Variants in PRICKLE2 observed in about 807,000 individuals in gnomAD.
PRICKLE2 encodes prickle planar cell polarity protein 2.
PRICKLE2 carries 21 observed loss-of-function variants against 81.4 expected under a neutral mutation model. That is an observed-to-expected ratio of 0.26 (90% CI 0.18 to 0.37). PRICKLE2 has a LOEUF of 0.37. Ranked by LOEUF, PRICKLE2 falls within the 10% of genes least tolerant of loss-of-function variation. The probability of loss-of-function intolerance (pLI) is 1.00; values close to 1 mark genes in which losing one functional copy is unlikely to be tolerated. For missense variants in PRICKLE2, 940 were observed against 1,109.0 expected, an observed-to-expected ratio of 0.85 and a Z score of 2.16; for synonymous variants, 456 against 421.5, an observed-to-expected ratio of 1.08 and a Z score of -1.00.
chr3:64,173,627 G>A (rs969203004), intron 2 of PRICKLE2, among the ~76,000 whole-genome samples: 1 of 152,134 alleles, frequency 6.6e-6, no homozygotes, highest in Non-Finnish European at 1.5e-5. Context: ...CAGTATCCTT[G>A]GCAAATTCTC....
intron 6 of PRICKLE2, among the ~76,000 whole-genome samples, chr3:64,152,302 A>G (rs543754853): frequency 1.6e-4 from 25 of 152,304 alleles, no homozygotes; most frequent in African/African-American, 4.8e-4. Flanking sequence ...TCTCACAGAC[A>G]TTCAGCCACT....
rs768775520 is a variant in PRICKLE2 at position 64,159,955 on chromosome 3, T to A, written c.381A>T (p.Gly127=). 1 of 1,614,154 alleles carries A rather than the reference T, an allele frequency of 6.2e-7. No homozygotes were observed. Among genetic ancestry groups the A allele is most frequent in the South Asian group, 1.1e-5 (1 of 91,076 alleles). ...NVRPFPVTMT[G]AICEQCGGQI... ...CCATGCTTACCTGTTCACAAATAGC[T>A]CCTGTCATGGTGACTGGGAAAGGCC... is the stretch of plus-strand genomic sequence containing the variant. Residue 127 remains glycine, a synonymous_variant, in exon 4 of 8, where the codon GGA becomes GGT. Coordinates refer to ENST00000638394, the MANE Select transcript of PRICKLE2 (RefSeq NM_198859.4).
intron 7 of PRICKLE2, among the ~76,000 whole-genome samples, chr3:64,114,102 G>C (rs1196756051): frequency 6.6e-6 from 1 of 152,084 alleles, no homozygotes; most frequent in Middle Eastern, 3.2e-3. Flanking sequence ...GTTGGGAGCT[G>C]GGTGTTGGCC....
intron 7 of PRICKLE2, among the ~76,000 whole-genome samples, chr3:64,103,670 A>G (rs1317355113): frequency 1.3e-5 from 2 of 152,212 alleles, no homozygotes; most frequent in African/African-American, 2.4e-5. Flanking sequence ...ATATCTCAAT[A>G]AAATGGAGTA....
intron 1 of PRICKLE2, chr3:64,200,061 C>T (rs1407581252): frequency 6.6e-6 from 1 of 152,152 alleles, no homozygotes; most frequent in Non-Finnish European, 1.5e-5. Context: ...AATTGTGAAT[C>T]ATCACTATCT....
intron 2 of PRICKLE2, among the ~76,000 whole-genome samples, chr3:64,266,170 G>A (rs190550402): frequency 9.4e-5 from 14 of 149,004 alleles, no homozygotes; most frequent in African/African-American, 2.5e-4. Flanking sequence ...CAGACAGGAC[G>A]TTTAATCATC....
chr3:64,177,243 C>T (rs2078042012), intron 2 of PRICKLE2, among the ~76,000 whole-genome samples: 1 of 131,790 alleles, frequency 7.6e-6, no homozygotes, highest in African/African-American at 2.8e-5. Flanking sequence ...TCAAGTGATT[C>T]TCCTGCCTCA....
intron 3 of PRICKLE2, 95 bp from the exon 4 acceptor site, chr3:64,160,172 T>G: frequency 7.2e-7 from 1 of 1,394,494 alleles, no homozygotes; most frequent in African/African-American, 1.4e-5. Flanking sequence ...AAATACACTC[T>G]CATTTGGTTT....
At chr3:64,184,291 CA>C (rs2078184084) in intron 2 of PRICKLE2, among the ~76,000 whole-genome samples, 1 of 152,116 alleles carries the variant, frequency 6.6e-6, no homozygotes, top group South Asian at 2.1e-4. Flanking sequence ...ATGACCTCAA[CA>C]AGGTAAAACA....
intron 7 of PRICKLE2, among the ~76,000 whole-genome samples, chr3:64,127,571 G>A (rs1012043448): frequency 2.6e-5 from 4 of 152,108 alleles, no homozygotes; most frequent in Admixed American, 6.5e-5. Context: ...GGGCTGCCCT[G>A]ATCACACAGG....
rs1460778980 is a variant in PRICKLE2, at chr3:64,093,214, G to A, written c.*5837C>T. The A allele has an allele frequency of 6.2e-6, 1 of 161,726 alleles. No individual in the cohort carries two copies. Among genetic ancestry groups the A allele is most frequent in the African/African-American group, 2.4e-5 (1 of 41,708 alleles). 10.0% of individuals were successfully genotyped at this position (161,726 alleles called of 1,614,324 possible). On this transcript the variant is annotated 3_prime_UTR_variant, in exon 8 of 8. Coordinates refer to ENST00000638394, the MANE Select transcript of PRICKLE2 (RefSeq NM_198859.4). Reference sequence around the variant, plus strand: ...GTGTCAGAATTTCCTTCCGTTTTAAGGCTGAATAATATTCCATTGTATGTA... The same window carrying A: ...GTGTCAGAATTTCCTTCCGTTTTAAAGCTGAATAATATTCCATTGTATGTA...
chr3:64,229,862 A>G (rs779710662), upstream of PRICKLE2, among the ~76,000 whole-genome samples: 1 of 152,232 alleles, frequency 6.6e-6, no homozygotes, highest in Admixed American at 6.5e-5. Context: ...CTGTCATGTA[A>G]GTTGGTCTAG....
At chr3:64,199,033 C>G (rs1238373601) in intron 1 of PRICKLE2, 66 bp from the exon 2 acceptor site, 1 of 1,444,654 alleles carries the variant, frequency 6.9e-7, no homozygotes, top group Non-Finnish European at 9.5e-7. Context: ...AAGAGCCTGC[C>G]AGTCACTAGC....
intron 6 of PRICKLE2, among the ~76,000 whole-genome samples, chr3:64,152,049 G>T (rs765768376): frequency 6.6e-6 from 1 of 152,212 alleles, no homozygotes; most frequent in East Asian, 1.9e-4. Context: ...TGTCCACAAA[G>T]CCAGGGTTTT....
intron 4 of PRICKLE2, among the ~76,000 whole-genome samples, chr3:64,158,853 CA>C (rs549584258): frequency 1.6e-4 from 25 of 152,248 alleles, no homozygotes; most frequent in Admixed American, 7.8e-4. Context: ...TCTGAAATCT[CA>C]AAAAAGGGCC....
Position 64,147,255 on chromosome 3 carries a change from G to A in PRICKLE2, c.1235C>T (p.Thr412Ile). Residue 412 changes from threonine (T) to isoleucine (I), a missense_variant, in exon 7 of 8, where the codon ACC (threonine) becomes ATC (isoleucine). Physicochemically the swap from Thr to Ile is moderately conservative, Grantham distance 89 (BLOSUM62 -1). Coordinates refer to ENST00000638394, the MANE Select transcript of PRICKLE2 (RefSeq NM_198859.4). This position sits in a 1 kb window ranked among gnomAD's most constrained non-coding sequence, Gnocchi z 5.0. ...HYGNKMEQNQ[T>I]QSPLQLLSQC... is the part of the protein sequence containing the mutation. ...GCTGAGGAGCTGCAGAGGGCTCTGGGTCTGGTTCTGCTCCATCTTGTTCCC... is the reference window on the plus strand; with the variant it reads ...GCTGAGGAGCTGCAGAGGGCTCTGGATCTGGTTCTGCTCCATCTTGTTCCC... 1 of 1,610,098 alleles carries A rather than the reference G, an allele frequency of 6.2e-7. No individual in the cohort carries two copies. The highest frequency in any genetic ancestry group is 8.5e-7 in the Non-Finnish European group (1 of 1,177,228).
At chr3:64,222,508 C>T (rs1029802664) in intron 1 of PRICKLE2, among the ~76,000 whole-genome samples, 1 of 152,140 alleles carries the variant, frequency 6.6e-6, no homozygotes, top group South Asian at 2.1e-4. Context: ...CAGAAGTAGG[C>T]CCACCGGCAT....
intron 2 of PRICKLE2, among the ~76,000 whole-genome samples, chr3:64,195,074 G>C (rs984307948): frequency 6.6e-6 from 1 of 152,014 alleles, no homozygotes; most frequent in African/African-American, 2.4e-5. Context: ...AAGTAAAAAA[G>C]ACTTCAGATG....
intron 7 of PRICKLE2, among the ~76,000 whole-genome samples, chr3:64,128,119 T>C (rs152295): frequency 2.6e-5 from 4 of 151,758 alleles, no homozygotes; most frequent in Non-Finnish European, 2.9e-5. Context: ...GGAGGTAGCG[T>C]TGGGGGCGTT....
Sources: gnomAD v4.1 joint callset for allele counts (sites outside exome capture counted in the v4.1 genomes callset) on GRCh38, gnomAD v4.1.1 for gene constraint, Gnocchi (gnomAD v3.1) non-coding constraint, MANE v1.5 for transcripts, NCBI Gene and HGNC (gene_info 2026-07-23, HGNC 2026-07-21) for gene names.